PTK2: variants seen among roughly 807,000 people sequenced by gnomAD.
PTK2 encodes the protein protein tyrosine kinase 2, also known as focal adhesion kinase 1.
Under a neutral mutation model 150.1 loss-of-function variants are expected in PTK2, and 45 were observed. That is an observed-to-expected ratio of 0.30 (90% CI 0.24 to 0.38). PTK2 has a LOEUF of 0.38. Ranked by LOEUF, PTK2 falls within the 10% of genes least tolerant of loss-of-function variation. PTK2 has a pLI of 1.00. For missense variants in PTK2, 919 were observed against 1,307.3 expected, an observed-to-expected ratio of 0.70 and a Z score of 4.58; for synonymous variants, 432 against 449.2, an observed-to-expected ratio of 0.96 and a Z score of 0.48.
chr8:140,787,821 G>A (rs1044789062), intron 14 of PTK2, among the ~76,000 whole-genome samples: 1 of 152,192 alleles, frequency 6.6e-6, no homozygotes, highest in African/African-American at 2.4e-5. Flanking sequence ...CCCAAAAGCT[G>A]CTTTACAGTT....
At chr8:140,860,756 T>G (rs114361214) in intron 5 of PTK2, among the ~76,000 whole-genome samples, 3,395 of 152,234 alleles carry the variant, frequency 0.022, 120 homozygotes, top group African/African-American at 0.075. Flanking sequence ...TCACAGGCGT[T>G]AGCCACCGCA....
chr8:140,737,526 GGGA>G (rs1488038417), intron 21 of PTK2, among the ~76,000 whole-genome samples: 1 of 152,150 alleles, frequency 6.6e-6, no homozygotes, highest in Admixed American at 6.5e-5. Context: ...GACCAAAAAA[GGGA>G]GGAGAATGTT....
In PTK2 at chr8:140,748,496, CAA is replaced by C. The variant is rs61423469; in HGVS notation, c.1418-1638_1418-1637del. 8.4e-3 allele frequency among the ~76,000 whole-genome samples: 934 copies of C among 111,450 alleles called. 8 individuals are homozygous for C. The highest frequency in any genetic ancestry group is 0.019 in the African/African-American group (576 of 30,654). The allele number at this position is 111,450 out of a possible 152,430, so 73.1% of individuals were successfully genotyped here. On this transcript the variant is annotated intron_variant, in intron 17 of 31. Transcript: ENST00000522684. ...TGGGCGACAGACTGAGACTCTGTCTCAAAAAAAAAAAAAAAAAAAAAGTTTCC... is the reference window on the plus strand; with the variant it reads ...TGGGCGACAGACTGAGACTCTGTCTCAAAAAAAAAAAAAAAAAAAGTTTCC...
chr8:140,662,885 C>T lies in PTK2; in HGVS notation c.2946+2032G>A, dbSNP rs1257871931. On this transcript the variant is annotated intron_variant, in intron 31 of 31. Transcript: ENST00000522684. ...AAGAATACTCTATAAAATCACTGAG[C>T]CTATGTTTGTCAAAAATGTCAATGT... 8 of 409,944 alleles carry T rather than the reference C, an allele frequency of 2.0e-5. No homozygotes were observed. In the South Asian group the frequency reaches 4.0e-4, roughly 21 times the overall value. The allele number at this position is 409,944 out of a possible 1,614,324, so 25.4% of individuals were successfully genotyped here.
chr8:140,837,590 G>A (rs1231589874), intron 7 of PTK2, among the ~76,000 whole-genome samples: 1 of 151,746 alleles, frequency 6.6e-6, no homozygotes, highest in African/African-American at 2.4e-5. Context: ...TTAGCTGGGC[G>A]TGGTGGTGCA....
intron 1 of PTK2, among the ~76,000 whole-genome samples, chr8:140,959,002 ACAATGT>A (rs1674936450): frequency 6.6e-6 from 1 of 152,226 alleles, no homozygotes; most frequent in Admixed American, 6.5e-5. Context: ...CCGTTGCTCT[ACAATGT>A]CAATTTGTCA....
chr8:140,828,091 G>A (rs996702777), intron 8 of PTK2, among the ~76,000 whole-genome samples: 2 of 151,800 alleles, frequency 1.3e-5, no homozygotes, highest in Admixed American at 1.3e-4. Context: ...TGCTTGAACC[G>A]GGAGGAGGAG....
chr8:140,902,372 T>A (rs1430427330), intron 2 of PTK2, among the ~76,000 whole-genome samples: 1 of 151,726 alleles, frequency 6.6e-6, no homozygotes, highest in East Asian at 1.9e-4. Context: ...CTGATGGACA[T>A]CTGGGTTGGT....
chr8:140,904,369 C>T (rs1160358552), intron 2 of PTK2, among the ~76,000 whole-genome samples: 1 of 152,116 alleles, frequency 6.6e-6, no homozygotes. Context: ...GGTGGATATG[C>T]TTTTTCATGT....
intron 8 of PTK2, among the ~76,000 whole-genome samples, chr8:140,824,059 AT>A (rs780719405): frequency 1.3e-5 from 2 of 152,208 alleles, no homozygotes; most frequent in Non-Finnish European, 2.9e-5. Flanking sequence ...GATTGAAGCC[AT>A]CAACCCTTTG....
chr8:140,782,643 GTTTTT>G (rs548570015), intron 14 of PTK2, among the ~76,000 whole-genome samples: 1 of 147,404 alleles, frequency 6.8e-6, no homozygotes, highest in Non-Finnish European at 1.5e-5. Flanking sequence ...TTAGGGCAAG[GTTTTT>G]TTTTTTCTTT....
intron 22 of PTK2, among the ~76,000 whole-genome samples, chr8:140,724,180 T>A (rs2100044501): frequency 6.6e-6 from 1 of 152,230 alleles, no homozygotes. Flanking sequence ...CCAGAGGAGA[T>A]CCTGCCTACT....
chr8:140,883,954 T>C (rs1368194562), intron 3 of PTK2, among the ~76,000 whole-genome samples: 2 of 152,152 alleles, frequency 1.3e-5, no homozygotes, highest in Non-Finnish European at 2.9e-5. Context: ...AGCTTGTCTT[T>C]TCCAGCTTCT....
At chr8:140,752,976 G>A (rs1377156579) in intron 16 of PTK2, among the ~76,000 whole-genome samples, 1 of 152,228 alleles carries the variant, frequency 6.6e-6, no homozygotes, top group Non-Finnish European at 1.5e-5. Context: ...ACCACACAGG[G>A]CCTTCAAGGC....
intron 8 of PTK2, 120 bp downstream of exon 8, chr8:140,830,352 T>A: frequency 1.6e-6 from 1 of 643,626 alleles, no homozygotes; most frequent in Non-Finnish European, 2.7e-6. Flanking sequence ...CTTTTTAAAT[T>A]ATATATTTTA....
intron 4 of PTK2, among the ~76,000 whole-genome samples, chr8:140,878,622 T>C (rs2100147087): frequency 6.6e-6 from 1 of 151,972 alleles, no homozygotes; most frequent in South Asian, 2.1e-4. Flanking sequence ...ATTATTCACC[T>C]TAACATGTTT....
At chr8:140,855,304 A>AG (rs568600763) in intron 5 of PTK2, among the ~76,000 whole-genome samples, 206 of 151,318 alleles carry the variant, frequency 1.4e-3, no homozygotes, top group South Asian at 4.6e-3. Context: ...TTAAAAAAAA[A>AG]GGGGGGGGTC....
intron 23 of PTK2, among the ~76,000 whole-genome samples, chr8:140,710,289 C>T (rs1273444010): frequency 1.4e-5 from 2 of 146,286 alleles, no homozygotes; most frequent in Non-Finnish European, 3.0e-5. Flanking sequence ...GAGATCATAT[C>T]ACTGCACTCC....
At chr8:140,800,496 A>G in exon 12 of PTK2, 2 of 1,613,898 alleles carry the variant, frequency 1.2e-6, no homozygotes, top group Non-Finnish European at 1.7e-6. Flanking sequence ...GCGAGGTTCC[A>G]TTCACCAGCC....
Sources: gnomAD v4.1 joint callset for allele counts (sites outside exome capture counted in the v4.1 genomes callset) on GRCh38, gnomAD v4.1.1 for gene constraint, MANE v1.5 for transcripts, NCBI Gene and HGNC (gene_info 2026-07-23, HGNC 2026-07-21) for gene names.